Variants in GALNT17 observed in about 807,000 individuals in gnomAD.
The protein encoded by GALNT17 is UDP-GalNAc:polypeptide N-acetylgalactosaminyltransferase-like 3.
Under a neutral mutation model 63.7 loss-of-function variants are expected in GALNT17, and 29 were observed. The ratio of observed to expected loss-of-function variants is 0.46; its 90% CI spans 0.34 to 0.62. The LOEUF (loss-of-function observed/expected upper bound fraction) is 0.62. Ranked by LOEUF, GALNT17 falls within the 20% of genes least tolerant of loss-of-function variation. The pLI is 0.01. For missense variants in GALNT17, 603 were observed against 799.6 expected (o/e 0.75, Z 2.97); for synonymous variants, 305 against 318.3 (o/e 0.96, Z 0.45).
intron 1 of GALNT17, among the ~76,000 whole-genome samples, chr7:71,320,930 T>C (rs1054753681): frequency 7.2e-5 from 11 of 152,204 alleles, no homozygotes; most frequent in African/African-American, 2.7e-4. Context: ...TTTACATGCT[T>C]TTGGGAGAAT....
At chr7:71,220,326 T>C (rs1360708505) in intron 1 of GALNT17, among the ~76,000 whole-genome samples, 2 of 151,958 alleles carry the variant, frequency 1.3e-5, no homozygotes, top group African/African-American at 4.8e-5. Flanking sequence ...AGTTGGGAGG[T>C]GGGGGAATTC....
chr7:71,677,861 G>A (rs1193472203), intron 9 of GALNT17, among the ~76,000 whole-genome samples: 1 of 151,978 alleles, frequency 6.6e-6, no homozygotes, highest in Admixed American at 6.6e-5. Flanking sequence ...GCATTCCCCC[G>A]AGGTCAGCTG....
intron 1 of GALNT17, among the ~76,000 whole-genome samples, chr7:71,319,796 C>T (rs2115995354): frequency 6.6e-6 from 1 of 152,310 alleles, no homozygotes; most frequent in South Asian, 2.1e-4. Context: ...ATTTCTTACT[C>T]TCACATATCT....
intron 6 of GALNT17, among the ~76,000 whole-genome samples, chr7:71,614,848 G>C (rs1432146930): frequency 8.7e-6 from 1 of 115,326 alleles, no homozygotes; most frequent in Non-Finnish European, 1.7e-5. Flanking sequence ...AGAGGAGAGA[G>C]AAAGAAACAG....
intron 9 of GALNT17, 47 bp downstream of exon 9, chr7:71,677,353 G>A (rs777602349): frequency 2.6e-6 from 4 of 1,565,236 alleles, no homozygotes; most frequent in Admixed American, 1.7e-5. Context: ...CACCATCTCC[G>A]ACCCACAGAG....
chr7:71,366,037 C>T (rs1792499630), intron 2 of GALNT17, among the ~76,000 whole-genome samples: 2 of 152,152 alleles, frequency 1.3e-5, no homozygotes, highest in Non-Finnish European at 2.9e-5. Context: ...AGCTCGCAAC[C>T]TAGATCCCTC....
intron 2 of GALNT17, among the ~76,000 whole-genome samples, chr7:71,359,799 GCC>G (rs1026805064): frequency 3.3e-5 from 5 of 152,098 alleles, no homozygotes. Context: ...GGCCAGGCTG[GCC>G]TCAAACTCCT....
rs928861022 is a variant in GALNT17 at position 71,424,481 on chromosome 7, A to G, written c.962+3376A>G. On this transcript the variant is annotated intron_variant, in intron 5 of 10. Coordinates refer to ENST00000333538, the MANE Select transcript of GALNT17 (RefSeq NM_022479.3). ...CTCTGGGTGTGTAAGGTTCTAAGCA[A>G]AAAGTTAGCTTGTATTTCATAAGTT... Among the ~76,000 whole-genome samples the G allele has an allele frequency of 1.3e-4, 20 of 152,324 alleles. No individual in the cohort carries two copies. The East Asian group carries it at 2.5e-3, about 19-fold the overall frequency.
At chr7:71,204,134 C>G (rs1240126483) in intron 1 of GALNT17, among the ~76,000 whole-genome samples, 3 of 151,916 alleles carry the variant, frequency 2.0e-5, no homozygotes, top group Non-Finnish European at 2.9e-5. Flanking sequence ...ATCCAGTTTT[C>G]TCAACACCAT....
rs186339160 is a variant in GALNT17, at chr7:71,387,574, C to T, written c.423-661C>T. On this transcript the variant is annotated intron_variant, in intron 2 of 10. Transcript: ENST00000333538. ...CTCCTGGCCTCAAGCGACGCTCCCA[C>T]GTCGGCCTCCCAAATTGCTGAAATT... 1.5e-4 allele frequency among the ~76,000 whole-genome samples: 23 copies of T among 152,248 alleles called. No individual in the cohort carries two copies. The East Asian group carries it at 1.9e-3, about 13-fold the overall frequency.
chr7:71,389,161 T>G, intron 3 of GALNT17, among the ~76,000 whole-genome samples: 1 of 150,844 alleles, frequency 6.6e-6, no homozygotes, highest in East Asian at 2.0e-4. Flanking sequence ...TGAGATGGAG[T>G]CTCGCTCCAT....
intron 2 of GALNT17, among the ~76,000 whole-genome samples, chr7:71,377,084 T>TAAAAAA (rs1563047253): frequency 3.2e-5 from 1 of 30,836 alleles, no homozygotes; most frequent in African/African-American, 2.2e-4. Flanking sequence ...ATATTCCATC[T>TAAAAAA]CAAAAAAAAA....
chr7:71,512,253 C>T (rs1788369284), intron 5 of GALNT17, among the ~76,000 whole-genome samples: 1 of 152,120 alleles, frequency 6.6e-6, no homozygotes, highest in African/African-American at 2.4e-5. Flanking sequence ...GATCCGCCCG[C>T]CTCACTCCTC....
intron 1 of GALNT17, among the ~76,000 whole-genome samples, chr7:71,225,801 T>A: frequency 6.6e-6 from 1 of 152,182 alleles, no homozygotes. Flanking sequence ...ATTGATTAAG[T>A]AAATGATGAT....
At chr7:71,324,946 C>A (rs938212531) in intron 1 of GALNT17, among the ~76,000 whole-genome samples, 4 of 152,122 alleles carry the variant, frequency 2.6e-5, no homozygotes, top group African/African-American at 4.8e-5. Flanking sequence ...TTTCTTTTGG[C>A]AATATTTCCT....
intron 6 of GALNT17, among the ~76,000 whole-genome samples, chr7:71,621,775 C>T: frequency 6.6e-6 from 1 of 152,074 alleles, no homozygotes; most frequent in East Asian, 1.9e-4. Flanking sequence ...TTTGATGCAC[C>T]CTTTAATTCT....
At chr7:71,508,395 C>G (rs1788300045) in intron 5 of GALNT17, among the ~76,000 whole-genome samples, 2 of 152,148 alleles carry the variant, frequency 1.3e-5, no homozygotes, top group South Asian at 4.1e-4. Flanking sequence ...GATTTGTGGT[C>G]TTGTGTTTGT....
At chr7:71,252,221 CA>C (rs11366800) in intron 1 of GALNT17, among the ~76,000 whole-genome samples, 69,865 of 121,624 alleles carry the variant, frequency 0.57, 19,755 homozygotes, top group Middle Eastern at 0.72. Context: ...TCCTGAAACT[CA>C]AAAAAAAAAA....
intron 1 of GALNT17, among the ~76,000 whole-genome samples, chr7:71,168,634 T>C (rs1788489485): frequency 6.6e-6 from 1 of 152,108 alleles, no homozygotes; most frequent in Non-Finnish European, 1.5e-5. Flanking sequence ...TATACTCATA[T>C]ATAGTGAATT....
Sources: allele counts gnomAD v4.1 joint callset (sites outside exome capture counted in the v4.1 genomes callset), GRCh38; gene constraint gnomAD v4.1.1; transcripts MANE v1.5; gene names NCBI Gene and HGNC (gene_info 2026-07-23, HGNC 2026-07-21).